The following NMT2 variants were observed in gnomAD, a reference collection of about 807,000 sequenced individuals.
The protein encoded by NMT2 is glycylpeptide N-tetradecanoyltransferase 2.
Under a neutral mutation model 65.4 loss-of-function variants are expected in NMT2, and 35 were observed. The observed-to-expected ratio is 0.54, with a 90% CI of 0.41 to 0.71. The LOEUF (loss-of-function observed/expected upper bound fraction) is 0.71, where lower values mean the gene tolerates loss of function less well. NMT2 is among the 30% of genes least tolerant of loss of function. NMT2 has a pLI of 0.00. For synonymous variants in NMT2, 226 were observed against 231.8 expected, an observed-to-expected ratio of 0.98 and a Z score of 0.23; for missense variants, 489 against 611.3, an observed-to-expected ratio of 0.80 and a Z score of 2.11.
intron 1 of NMT2, 52 bp from the exon 2 acceptor site, chr10:15,141,609 ATGAAAT>A: frequency 1.3e-6 from 2 of 1,542,466 alleles, no homozygotes; most frequent in Non-Finnish European, 1.7e-6. Context: ...AAATCATTAA[ATGAAAT>A]TGAATTGCAT....
chr10:15,113,789 A>G (rs913474764), intron 9 of NMT2, among the ~76,000 whole-genome samples: 1 of 152,198 alleles, frequency 6.6e-6, no homozygotes, highest in Non-Finnish European at 1.5e-5. Context: ...AAATATACAC[A>G]TGTGAACAAC....
chr10:15,147,725 A>C (rs1029850625), intron 1 of NMT2, among the ~76,000 whole-genome samples: 2 of 152,182 alleles, frequency 1.3e-5, no homozygotes, highest in African/African-American at 4.8e-5. Flanking sequence ...TTTACTCCAC[A>C]TGTTTCTAGT....
rs1489287335 is a variant in NMT2 at position 15,137,607 on chromosome 10, A to G, written c.247-2189T>C. On this transcript the variant is annotated intron_variant, in intron 2 of 11. Coordinates refer to ENST00000378165, the MANE Select transcript of NMT2 (RefSeq NM_004808.3). ...ATTGAGATCACAGCATATTTCAACT[A>G]ATAATGCTTAACTGTGCATCAGTTT... is the stretch of plus-strand genomic sequence containing the variant. Among the ~76,000 whole-genome samples the G allele has an allele frequency of 2.0e-5, 3 of 152,172 alleles. No individual in the cohort carries two copies. In the East Asian group the frequency reaches 5.8e-4, roughly 29 times the overall value.
In NMT2 at chr10:15,133,230, T is replaced by C; in HGVS notation, c.510+15A>G. ...GAATGCAGGAGTTGAATTTAAGAGGTTTTTACTCACTCACCACTTCGGCAT... is the reference window on the plus strand; with the variant it reads ...GAATGCAGGAGTTGAATTTAAGAGGCTTTTACTCACTCACCACTTCGGCAT... On this transcript the variant is annotated intron_variant, in intron 4 of 11. Transcript: ENST00000378165. The C allele has an allele frequency of 6.2e-7, 1 of 1,608,602 alleles. No individual in the cohort carries two copies. The highest frequency in any genetic ancestry group is 8.5e-7 in the Non-Finnish European group (1 of 1,175,304).
intron 8 of NMT2, among the ~76,000 whole-genome samples, chr10:15,121,618 C>T (rs1348992730): frequency 2.0e-5 from 3 of 152,156 alleles, no homozygotes; most frequent in Middle Eastern, 3.2e-3. Context: ...CTGCCCACCT[C>T]GGCCTCCCAA....
At position 15,109,099 on chromosome 10, in the gene NMT2, G is replaced by A; in HGVS notation, c.*96C>T. On this transcript the variant is annotated 3_prime_UTR_variant, in exon 12 of 12. Transcript: ENST00000378165. ...ATTATCGACTACTTCAATTTCACTTGAGTTGTGCTTTTATTCTTCTTTGGA... is the reference window on the plus strand; with the variant it reads ...ATTATCGACTACTTCAATTTCACTTAAGTTGTGCTTTTATTCTTCTTTGGA... 6.4e-7 allele frequency: 1 copy of A among 1,561,744 alleles called. No individual in the cohort carries two copies. Among genetic ancestry groups the A allele is most frequent in the South Asian group, 1.2e-5 (1 of 83,186 alleles).
At chr10:15,114,682 T>C (rs540611648) in intron 9 of NMT2, among the ~76,000 whole-genome samples, 1 of 152,224 alleles carries the variant, frequency 6.6e-6, no homozygotes, top group South Asian at 2.1e-4. Flanking sequence ...ACCTCAGTAG[T>C]GAGTATAGAA....
At chr10:15,158,226 G>A (rs1025060107) in intron 1 of NMT2, among the ~76,000 whole-genome samples, 1 of 151,670 alleles carries the variant, frequency 6.6e-6, no homozygotes, top group Non-Finnish European at 1.5e-5. Flanking sequence ...TGAGGCAGGA[G>A]AATCTCCTGA....
Position 15,128,381 on chromosome 10 carries a change from T to C in NMT2, c.968A>G (p.Gln323Arg). ...AAGTCTGTATAGCTTCATTGTTCTC[T>C]GTAAAGTCATATTTCTACTCAAGTG... Reference protein sequence around the residue: ...FSHLSRNMTLQRTMKLYRLPD... With the variant: ...FSHLSRNMTLRRTMKLYRLPD... The change falls in exon 8 of 12, where the codon CAG becomes CGG. Residue 323 changes from glutamine to arginine, a missense_variant. Coordinates refer to ENST00000378165, the MANE Select transcript of NMT2 (RefSeq NM_004808.3). 6.2e-7 allele frequency: 1 copy of C among 1,608,142 alleles called. No individual in the cohort carries two copies. The highest frequency in any genetic ancestry group is 8.5e-7 in the Non-Finnish European group (1 of 1,174,744).
intron 7 of NMT2, 77 bp from the exon 8 acceptor site, chr10:15,128,535 GTTACATAAGCAT>G (rs1344427822): frequency 1.1e-6 from 1 of 894,828 alleles, no homozygotes; most frequent in Non-Finnish European, 1.8e-6. Context: ...CAGCTTGGCT[GTTACATAAGCAT>G]TTACTGAATA....
chr10:15,111,967 T>C (rs950841492), intron 10 of NMT2, among the ~76,000 whole-genome samples: 1 of 147,934 alleles, frequency 6.8e-6, no homozygotes. Context: ...GTGTGTGCTA[T>C]CACACCCTGC....
chr10:15,130,054 C>T, intron 7 of NMT2, 88 bp downstream of exon 7: 4 of 1,038,388 alleles, frequency 3.9e-6, no homozygotes, highest in Non-Finnish European at 5.2e-6. Context: ...ATCTCTGCTA[C>T]CAGCAAAAAC....
intron 1 of NMT2, among the ~76,000 whole-genome samples, chr10:15,167,401 C>T (rs912701420): frequency 6.6e-6 from 1 of 152,162 alleles, no homozygotes; most frequent in Non-Finnish European, 1.5e-5. Context: ...TTTACACTTT[C>T]AATGATCAAT....
chr10:15,163,563 A>C (rs1221875601), intron 1 of NMT2, among the ~76,000 whole-genome samples: 1 of 152,228 alleles, frequency 6.6e-6, no homozygotes, highest in Non-Finnish European at 1.5e-5. Context: ...AGATTTATAC[A>C]GTTGATAACA....
chr10:15,117,426 A>G (rs1487016021), intron 9 of NMT2, among the ~76,000 whole-genome samples: 1 of 152,214 alleles, frequency 6.6e-6, no homozygotes, highest in African/African-American at 2.4e-5. Flanking sequence ...AGAAAAACCT[A>G]CAGCTAACAT....
intron 2 of NMT2, among the ~76,000 whole-genome samples, chr10:15,140,299 T>G (rs76024970): frequency 1.3e-5 from 2 of 151,996 alleles, no homozygotes; most frequent in African/African-American, 2.4e-5. Flanking sequence ...ACTTTTTGTA[T>G]TTTTAGTAGA....
chr10:15,136,702 T>C (rs991149195), intron 2 of NMT2, among the ~76,000 whole-genome samples: 2 of 152,182 alleles, frequency 1.3e-5, no homozygotes, highest in Admixed American at 6.5e-5. Context: ...TGGGCAACCA[T>C]AGCCTGTCGT....
chr10:15,140,141 A>T (rs1049652945), intron 2 of NMT2, among the ~76,000 whole-genome samples: 17 of 151,634 alleles, frequency 1.1e-4, no homozygotes, highest in Non-Finnish European at 2.1e-4. Flanking sequence ...TGACTGATTG[A>T]TTGATTGACA....
At chr10:15,127,798 G>T (rs888946620) in intron 8 of NMT2, among the ~76,000 whole-genome samples, 1 of 151,144 alleles carries the variant, frequency 6.6e-6, no homozygotes, top group Admixed American at 6.6e-5. Context: ...AGCTACTTGG[G>T]AGGCTGAGGT....
Sources: allele counts gnomAD v4.1 joint callset (sites outside exome capture counted in the v4.1 genomes callset), GRCh38; gene constraint gnomAD v4.1.1; transcripts MANE v1.5; gene names NCBI Gene and HGNC (gene_info 2026-07-23, HGNC 2026-07-21).